IMMP2L: variants seen among roughly 807,000 people sequenced by gnomAD.
The protein encoded by IMMP2L is inner mitochondrial membrane peptidase subunit 2.
A neutral mutation model predicts 19.3 loss-of-function variants in IMMP2L; 18 were observed. That is an observed-to-expected ratio of 0.93 (90% CI 0.64 to 1.38). The LOEUF (loss-of-function observed/expected upper bound fraction) is 1.38. Ranked by LOEUF, IMMP2L falls within the 40% of genes most tolerant of loss-of-function variation. The pLI is 0.00. For missense variants in IMMP2L, 233 were observed against 218.2 expected, an observed-to-expected ratio of 1.07 and a Z score of -0.43; for synonymous variants, 76 against 73.0, an observed-to-expected ratio of 1.04 and a Z score of -0.21.
chr7:111,520,951 C>T (rs1202447274), intron 2 of IMMP2L, among the ~76,000 whole-genome samples: 2 of 152,100 alleles, frequency 1.3e-5, no homozygotes, highest in Non-Finnish European at 2.9e-5. Flanking sequence ...CTGATTGTGA[C>T]TCAAACCCAT....
intron 3 of IMMP2L, among the ~76,000 whole-genome samples, chr7:111,152,530 CATAGT>C (rs1282474113): frequency 2.6e-5 from 4 of 152,100 alleles, no homozygotes; most frequent in Non-Finnish European, 5.9e-5. Context: ...ATTTATTAAG[CATAGT>C]ATAATAGAAA....
chr7:110,810,550 C>T (rs1778167693), intron 5 of IMMP2L, among the ~76,000 whole-genome samples: 1 of 151,976 alleles, frequency 6.6e-6, no homozygotes, highest in Non-Finnish European at 1.5e-5. Flanking sequence ...TGGTAAGAAC[C>T]TTAACCCATT....
intron 4 of IMMP2L, among the ~76,000 whole-genome samples, chr7:110,913,260 T>C (rs1021273689): frequency 9.2e-5 from 14 of 152,048 alleles, no homozygotes; most frequent in Middle Eastern, 3.4e-3. Flanking sequence ...GCTAAAAATA[T>C]GACAATGAGA....
intron 3 of IMMP2L, among the ~76,000 whole-genome samples, chr7:111,331,378 C>T (rs1289559102): frequency 6.6e-6 from 1 of 151,842 alleles, no homozygotes; most frequent in Non-Finnish European, 1.5e-5. Flanking sequence ...AATAACCTAA[C>T]TCATAGAAGC....
rs116766888 is a variant in IMMP2L, at chr7:111,461,480, G to C, written c.239+25758C>G. ...TATGGCTCTTGCTACACATTGCCAAGTTGCTTCCCTAAAGAGTTGTAATCA... is the reference window on the plus strand; with the variant it reads ...TATGGCTCTTGCTACACATTGCCAACTTGCTTCCCTAAAGAGTTGTAATCA... On this transcript the variant is annotated intron_variant, in intron 3 of 5. Transcript: ENST00000405709. Among the ~76,000 whole-genome samples, 1,361 of 152,074 alleles carry C rather than the reference G, an allele frequency of 8.9e-3. 27 individuals are homozygous for C. The highest frequency in any genetic ancestry group is 0.031 in the African/African-American group (1,307 of 41,516).
rs981488417 is a variant in IMMP2L at position 110,896,651 on chromosome 7, G to A, written c.306-9956C>T. 3.3e-4 allele frequency among the ~76,000 whole-genome samples: 9 copies of A among 27,404 alleles called. 3 individuals carry two copies. The highest frequency in any genetic ancestry group is 1.8e-3 in the Admixed American group (6 of 3,262). 18.0% of individuals were successfully genotyped at this position (27,404 alleles called of 152,430 possible). A position where few individuals can be genotyped will look rare whatever the true frequency, so the allele number is the denominator to read the frequency against. On this transcript the variant is annotated intron_variant, in intron 4 of 5. Coordinates refer to ENST00000405709, the MANE Select transcript of IMMP2L (RefSeq NM_032549.4). ...AATTTCAAAATACTGAGGTATTTTC[G>A]TATGTTATTTTACATATAATTGGTA...
At chr7:111,349,230 TAAATA>T (rs375627563) in intron 3 of IMMP2L, among the ~76,000 whole-genome samples, 5 of 152,222 alleles carry the variant, frequency 3.3e-5, no homozygotes, top group African/African-American at 9.6e-5. Flanking sequence ...AATAACAAAT[TAAATA>T]AAATTATGGC....
intron 3 of IMMP2L, among the ~76,000 whole-genome samples, chr7:111,468,906 C>T (rs953672972): frequency 1.3e-5 from 2 of 151,866 alleles, no homozygotes; most frequent in Non-Finnish European, 1.5e-5. Context: ...AAAATAGTAA[C>T]CAGAAGAAGA....
intron 5 of IMMP2L, among the ~76,000 whole-genome samples, chr7:110,849,086 G>A (rs1349305432): frequency 6.6e-6 from 1 of 152,090 alleles, no homozygotes; most frequent in Non-Finnish European, 1.5e-5. Flanking sequence ...ATAATGATGT[G>A]TCAATGTATG....
At chr7:111,112,058 C>A (rs1261797142) in intron 3 of IMMP2L, among the ~76,000 whole-genome samples, 1 of 149,670 alleles carries the variant, frequency 6.7e-6, no homozygotes, top group African/African-American at 2.5e-5. Context: ...GGTGATTCTC[C>A]TGTCTCAGCC....
intron 5 of IMMP2L, among the ~76,000 whole-genome samples, chr7:110,843,647 A>AGAT (rs145349038): frequency 0.033 from 4,995 of 152,262 alleles, 288 homozygotes; most frequent in African/African-American, 0.11. Context: ...CATTAAGCAG[A>AGAT]GATAACACAG....
intron 3 of IMMP2L, among the ~76,000 whole-genome samples, chr7:111,050,539 T>C (rs1792906619): frequency 6.6e-6 from 1 of 152,208 alleles, no homozygotes; most frequent in African/African-American, 2.4e-5. Flanking sequence ...AATGGTCTTG[T>C]TTAAAGGGGA....
intron 3 of IMMP2L, among the ~76,000 whole-genome samples, chr7:111,078,689 A>T (rs931036306): frequency 6.6e-6 from 1 of 151,904 alleles, no homozygotes; most frequent in Non-Finnish European, 1.5e-5. Flanking sequence ...AGTTTTCAAA[A>T]TTTTTTACAA....
intron 5 of IMMP2L, among the ~76,000 whole-genome samples, chr7:110,681,248 A>C (rs1792694172): frequency 1.3e-5 from 2 of 152,098 alleles, no homozygotes; most frequent in Admixed American, 1.3e-4. Context: ...AAAACCTATT[A>C]CTGGCTCTTA....
intron 3 of IMMP2L, among the ~76,000 whole-genome samples, chr7:111,217,124 TCTCACA>T (rs1173004265): frequency 3.4e-4 from 35 of 102,726 alleles, no homozygotes; most frequent in Admixed American, 1.8e-3. Flanking sequence ...TCTCTCTCTC[TCTCACA>T]CACACACACA....
intron 3 of IMMP2L, among the ~76,000 whole-genome samples, chr7:111,450,297 A>C (rs1323275437): frequency 1.1e-3 from 160 of 149,500 alleles, no homozygotes; most frequent in African/African-American, 3.4e-3. Flanking sequence ...ATCACACTAC[A>C]TGACTTCAAA....
intron 3 of IMMP2L, among the ~76,000 whole-genome samples, chr7:111,480,355 C>T (rs933199963): frequency 6.6e-6 from 1 of 152,026 alleles, no homozygotes; most frequent in Non-Finnish European, 1.5e-5. Context: ...GCTGAGATTA[C>T]AGGCGTGAGC....
intron 3 of IMMP2L, among the ~76,000 whole-genome samples, chr7:111,105,453 G>A (rs1057152008): frequency 1.3e-5 from 2 of 151,764 alleles, no homozygotes; most frequent in South Asian, 4.1e-4. Context: ...GACTGCATAC[G>A]TTACCATCTT....
chr7:111,217,061 C>T lies in IMMP2L; in HGVS notation c.240-253496G>A, dbSNP rs1049369997. Among the ~76,000 whole-genome samples, 3 of 151,338 alleles carry T rather than the reference C, an allele frequency of 2.0e-5. 1 individual carries two copies. Among genetic ancestry groups the T allele is most frequent in the Non-Finnish European group, 4.4e-5 (3 of 67,866 alleles). ...TGCCAGTGTAAATTCTTATCAAAGA[C>T]ATTCCTCATCTTCTGATCTCTCTCT... On this transcript the variant is annotated intron_variant, in intron 3 of 5. Transcript: ENST00000405709.
Sources: allele counts gnomAD v4.1 joint callset (sites outside exome capture counted in the v4.1 genomes callset), GRCh38; gene constraint gnomAD v4.1.1; transcripts MANE v1.5; gene names NCBI Gene and HGNC (gene_info 2026-07-23, HGNC 2026-07-21).